The following IGF1R variants were observed in gnomAD, a reference collection of about 807,000 sequenced individuals.
IGF1R encodes insulin-like growth factor 1 receptor.
In IGF1R, 44 loss-of-function variants were observed where a neutral mutation model predicts 144.6. The observed-to-expected ratio is 0.30, with a 90% confidence interval of 0.24 to 0.39. The LOEUF (loss-of-function observed/expected upper bound fraction) is 0.39, where lower values mean the gene tolerates loss of function less well. Ranked by LOEUF, IGF1R falls within the 10% of genes least tolerant of loss-of-function variation. IGF1R has a pLI of 1.00. For missense variants in IGF1R, 1,355 were observed against 1,833.7 expected, an observed-to-expected ratio of 0.74 and a Z score of 4.77; for synonymous variants, 795 against 722.8, an observed-to-expected ratio of 1.10 and a Z score of -1.60.
chr15:98,927,848 GT>G (rs772320021), intron 13 of IGF1R, among the ~76,000 whole-genome samples: 2 of 152,174 alleles, frequency 1.3e-5, no homozygotes, highest in Admixed American at 6.5e-5. Context: ...TACGATTAAT[GT>G]TTACTTGATC....
At chr15:98,737,832 T>C (rs2054647543) in intron 2 of IGF1R, among the ~76,000 whole-genome samples, 1 of 152,132 alleles carries the variant, frequency 6.6e-6, no homozygotes, top group African/African-American at 2.4e-5. Flanking sequence ...TGCCTCTCTC[T>C]CTCTCTTGCT....
rs182218796 is a variant in IGF1R at position 98,811,719 on chromosome 15, G to A, written c.641-79606G>A. The stretch of plus-strand genomic sequence containing the variant: ...AGGCGGGCGGATCACGAGGTCAGGA[G>A]ATCCAGACCATCCTGGCTAACACGG... On this transcript the variant is annotated intron_variant, in intron 2 of 20. Coordinates refer to ENST00000650285, the MANE Select transcript of IGF1R (RefSeq NM_000875.5). Among the ~76,000 whole-genome samples the A allele has an allele frequency of 4.0e-3, 608 of 151,996 alleles. 6 individuals are homozygous for A. Among genetic ancestry groups the A allele is most frequent in the African/African-American group, 0.014 (579 of 41,476 alleles).
At chr15:98,838,802 C>G (rs1222071360) in intron 2 of IGF1R, among the ~76,000 whole-genome samples, 1 of 152,274 alleles carries the variant, frequency 6.6e-6, no homozygotes, top group Non-Finnish European at 1.5e-5. Flanking sequence ...TTCCCTGTCA[C>G]TGCTGAGGCT....
intron 1 of IGF1R, among the ~76,000 whole-genome samples, chr15:98,680,336 G>A (rs183471089): frequency 2.6e-5 from 4 of 150,958 alleles, no homozygotes; most frequent in East Asian, 3.9e-4. Flanking sequence ...GTGCAGTCTC[G>A]GCTCACTGCA....
rs541733316 is a variant in IGF1R at position 98,886,723 on chromosome 15, G to A, written c.641-4602G>A. ...CATCTGCTGGCGAGACACACTGCCCGGGGCTTTTCAAGAAATCCCTTAATG... is the reference window on the plus strand; with the variant it reads ...CATCTGCTGGCGAGACACACTGCCCAGGGCTTTTCAAGAAATCCCTTAATG... On this transcript the variant is annotated intron_variant, in intron 2 of 20. Transcript: ENST00000650285. Among the ~76,000 whole-genome samples, 48 of 152,198 alleles carry A rather than the reference G, an allele frequency of 3.2e-4. No individual in the cohort carries two copies. In the South Asian group the frequency reaches 8.1e-3, roughly 26 times the overall value.
At chr15:98,861,746 A>C (rs1030151665) in intron 2 of IGF1R, among the ~76,000 whole-genome samples, 4 of 152,376 alleles carry the variant, frequency 2.6e-5, no homozygotes, top group Middle Eastern at 3.4e-3. Flanking sequence ...GAGAAGCCTT[A>C]GCATGGCTCT....
intron 17 of IGF1R, among the ~76,000 whole-genome samples, chr15:98,937,517 A>G (rs1199718671): frequency 6.6e-6 from 1 of 152,168 alleles, no homozygotes; most frequent in Admixed American, 6.5e-5. Flanking sequence ...TCAGATTTAA[A>G]CTTTTTCTTT....
intron 13 of IGF1R, among the ~76,000 whole-genome samples, chr15:98,927,163 A>T (rs1435448766): frequency 6.6e-6 from 1 of 152,032 alleles, no homozygotes; most frequent in Non-Finnish European, 1.5e-5. Flanking sequence ...TTCTGATAGA[A>T]TTTTTCCAGC....
chr15:98,815,012 CT>C (rs200340527), intron 2 of IGF1R, among the ~76,000 whole-genome samples: 2,998 of 152,218 alleles, frequency 0.02, 107 homozygotes, highest in African/African-American at 0.068. Context: ...TTTAGTTCAG[CT>C]TTTTTTCTTA....
chr15:98,807,386 G>T (rs1280916407), intron 2 of IGF1R, among the ~76,000 whole-genome samples: 1 of 152,184 alleles, frequency 6.6e-6, no homozygotes, highest in Non-Finnish European at 1.5e-5. Flanking sequence ...AGTTCGGGCA[G>T]CTTTCTAGAA....
chr15:98,677,661 C>T (rs77271266), intron 1 of IGF1R, among the ~76,000 whole-genome samples: 1,926 of 152,226 alleles, frequency 0.013, 47 homozygotes, highest in African/African-American at 0.043. Context: ...CTTTTGTCCT[C>T]GTGAACACAA....
intron 2 of IGF1R, among the ~76,000 whole-genome samples, chr15:98,756,923 T>C (rs1192756660): frequency 2.0e-5 from 3 of 152,214 alleles, no homozygotes; most frequent in Non-Finnish European, 4.4e-5. Flanking sequence ...TTGATATTGT[T>C]TATATGATTT....
intron 2 of IGF1R, among the ~76,000 whole-genome samples, chr15:98,803,609 G>T (rs536510234): frequency 1.3e-5 from 2 of 151,988 alleles, no homozygotes; most frequent in African/African-American, 4.8e-5. Context: ...AGGCTCAAGC[G>T]ATCCTCTTAC....
At chr15:98,843,069 A>G (rs569230930) in intron 2 of IGF1R, among the ~76,000 whole-genome samples, 4 of 152,200 alleles carry the variant, frequency 2.6e-5, no homozygotes, top group Non-Finnish European at 4.4e-5. Flanking sequence ...CTCTTGCGTC[A>G]TTAAGTTGTG....
intron 2 of IGF1R, among the ~76,000 whole-genome samples, chr15:98,783,958 A>ATTTTTTTTTTTTTTTTTTTTTTTTTTT (rs71149420): frequency 1.8e-5 from 1 of 54,742 alleles, no homozygotes; most frequent in Non-Finnish European, 3.1e-5. Context: ...GGCATCTGAA[A>ATTTTTTTTTTTTTTTTTTTTTTTTTTT]TTTTTTTTTT....
rs564532477 is a variant in IGF1R at position 98,794,833 on chromosome 15, G to A, written c.640+86726G>A. ...CCAACTGGAAAATGTGCCTGGTGTC[G>A]TCTTCAAGCAAGAATCCCCCGCCCC... On this transcript the variant is annotated intron_variant, in intron 2 of 20. Transcript: ENST00000650285. Among the ~76,000 whole-genome samples, 7 of 152,286 alleles carry A rather than the reference G, an allele frequency of 4.6e-5. No homozygotes were observed. The East Asian group carries it at 5.8e-4, about 13-fold the overall frequency.
intron 2 of IGF1R, among the ~76,000 whole-genome samples, chr15:98,827,752 T>G (rs1321653942): frequency 1.3e-5 from 2 of 152,042 alleles, no homozygotes; most frequent in Non-Finnish European, 2.9e-5. Flanking sequence ...CCGGCTAATT[T>G]TTGTATTTTT....
chr15:98,820,848 C>T (rs1473226367), intron 2 of IGF1R: 1 of 152,168 alleles, frequency 6.6e-6, no homozygotes, highest in African/African-American at 2.4e-5. Flanking sequence ...AATTACGGAA[C>T]ACCTCTCTTT....
rs149329072 is a variant in IGF1R at position 98,840,951 on chromosome 15, G to C, written c.641-50374G>C. Among the ~76,000 whole-genome samples, 1,308 of 152,306 alleles carry C rather than the reference G, an allele frequency of 8.6e-3. 21 individuals are homozygous for C. The highest frequency in any genetic ancestry group is 0.029 in the African/African-American group (1,224 of 41,570). ...CCGCCTCGGCCTCCCAAAGTGCTGG[G>C]ATTACAGGCGTGAGACACTGCGCCT... On this transcript the variant is annotated intron_variant, in intron 2 of 20. Coordinates refer to ENST00000650285, the MANE Select transcript of IGF1R (RefSeq NM_000875.5).
Sources: gnomAD v4.1 joint callset for allele counts (sites outside exome capture counted in the v4.1 genomes callset) on GRCh38, gnomAD v4.1.1 for gene constraint, MANE v1.5 for transcripts, NCBI Gene and HGNC (gene_info 2026-07-23, HGNC 2026-07-21) for gene names.